The following DIP2C variants were observed in gnomAD, a reference collection of about 807,000 sequenced individuals.
DIP2C encodes the protein disco-interacting protein 2 homolog C.
DIP2C carries 33 observed loss-of-function variants against 192.4 expected under a neutral mutation model. That is an observed-to-expected ratio of 0.17 (90% confidence interval 0.13 to 0.23). The LOEUF (loss-of-function observed/expected upper bound fraction) is 0.23, where lower values mean the gene tolerates loss of function less well. Among genes scored for constraint, DIP2C ranks in the 10% least tolerant of loss-of-function variants. The probability of loss-of-function intolerance (pLI) is 1.00; values close to 1 mark genes in which losing one functional copy is unlikely to be tolerated. For synonymous variants in DIP2C, 979 were observed against 864.1 expected, an observed-to-expected ratio of 1.13 and a Z score of -2.33; for missense variants, 1,537 against 2,110.1, an observed-to-expected ratio of 0.73 and a Z score of 5.32.
chr10:614,070 A>AAC (rs1853278650), intron 1 of DIP2C, among the ~76,000 whole-genome samples: 1 of 152,174 alleles, frequency 6.6e-6, no homozygotes, highest in African/African-American at 2.4e-5. Flanking sequence ...ACGCTCCCAG[A>AAC]ACCTTCCACC....
intron 2 of DIP2C, among the ~76,000 whole-genome samples, chr10:474,475 T>C (rs575408374): frequency 1.1e-4 from 16 of 152,330 alleles, no homozygotes; most frequent in Non-Finnish European, 1.9e-4. Context: ...TGAGAATCTG[T>C]TCAATTTTCC....
intron 17 of DIP2C, among the ~76,000 whole-genome samples, chr10:371,976 G>C (rs1961014436): frequency 6.6e-6 from 1 of 152,056 alleles, no homozygotes; most frequent in East Asian, 1.9e-4. Flanking sequence ...AGCCAAGATT[G>C]AGAACACTGA....
chr10:565,371 A>AAAAAAAAG (rs1849408456), intron 1 of DIP2C, among the ~76,000 whole-genome samples: 1 of 150,656 alleles, frequency 6.6e-6, no homozygotes, highest in African/African-American at 2.5e-5. Context: ...AAAAAAAAAA[A>AAAAAAAAG]GACCTAGACA....
intron 29 of DIP2C, among the ~76,000 whole-genome samples, chr10:335,738 C>T (rs1305978517): frequency 6.6e-6 from 1 of 152,202 alleles, no homozygotes; most frequent in Non-Finnish European, 1.5e-5. Flanking sequence ...TTTGCCTGGA[C>T]CAGCTGGTTC....
rs1854866262 is a variant in DIP2C at position 636,773 on chromosome 10, C to T, written c.85+52721G>A. ...CAGAACGTCCCCCAGATGCATCTGTCTCTCAGGGCATCATTAAATTCCCTC... is the reference window on the plus strand; with the variant it reads ...CAGAACGTCCCCCAGATGCATCTGTTTCTCAGGGCATCATTAAATTCCCTC... On this transcript the variant is annotated intron_variant, in intron 1 of 36. Coordinates refer to ENST00000280886, the MANE Select transcript of DIP2C (RefSeq NM_014974.3). The surrounding 1 kb of genome is among the most constrained non-coding windows in gnomAD (Gnocchi z 4.6). Among the ~76,000 whole-genome samples the T allele has an allele frequency of 2.0e-5, 3 of 152,222 alleles. 1 individual carries two copies. The South Asian group carries it at 6.2e-4, about 32-fold the overall frequency.
chr10:611,199 TCA>T (rs1424498494), intron 1 of DIP2C, among the ~76,000 whole-genome samples: 3 of 65,080 alleles, frequency 4.6e-5, no homozygotes, highest in African/African-American at 8.1e-5. Context: ...ACCTTCCCCT[TCA>T]CTCTCTCTTT....
intron 3 of DIP2C, among the ~76,000 whole-genome samples, chr10:467,715 A>C (rs1026149385): frequency 2.0e-5 from 3 of 151,954 alleles, no homozygotes; most frequent in Non-Finnish European, 2.9e-5. Flanking sequence ...AGAAAACTAA[A>C]CACCACTTGT....
intron 9 of DIP2C, among the ~76,000 whole-genome samples, chr10:406,131 A>G (rs1964790769): frequency 6.6e-6 from 1 of 152,252 alleles, no homozygotes; most frequent in African/African-American, 2.4e-5. Flanking sequence ...AACTTCAAGT[A>G]TCTGGAGGCC....
intron 10 of DIP2C, among the ~76,000 whole-genome samples, chr10:397,460 G>A (rs1188303774): frequency 6.6e-6 from 1 of 151,228 alleles, no homozygotes; most frequent in Non-Finnish European, 1.5e-5. Context: ...AACCCGAGGG[G>A]CAGAGGTTGC....
At chr10:318,777 T>C (rs1329698946) in intron 31 of DIP2C, among the ~76,000 whole-genome samples, 2 of 152,092 alleles carry the variant, frequency 1.3e-5, no homozygotes, top group African/African-American at 2.4e-5. Context: ...CAGCACCTTA[T>C]TTATTTCCTT....
chr10:591,082 C>T (rs1851375802), intron 1 of DIP2C, among the ~76,000 whole-genome samples: 1 of 137,014 alleles, frequency 7.3e-6, no homozygotes, highest in Non-Finnish European at 1.5e-5. Flanking sequence ...GAAGCCGCCA[C>T]CTCCATCACA....
Position 399,236 on chromosome 10 carries a change from A to G in DIP2C, c.1150-17T>C, listed in dbSNP as rs760805504. The G allele has an allele frequency of 6.2e-7, 1 of 1,611,150 alleles. No homozygotes were observed. The highest frequency in any genetic ancestry group is 1.1e-5 in the South Asian group (1 of 91,016). On this transcript the variant is annotated splice_polypyrimidine_tract_variant and intron_variant, in intron 9 of 36. Transcript: ENST00000280886. The stretch of plus-strand genomic sequence containing the variant: ...CAGTGCCACCTGTGGGACAGGCCAG[A>G]GCGGGTCAGCATTAACGTGGGGTCC...
chr10:537,353 GA>G (rs144715058), intron 1 of DIP2C, among the ~76,000 whole-genome samples: 1,575 of 152,288 alleles, frequency 0.01, 29 homozygotes, highest in African/African-American at 0.036. Flanking sequence ...CCACTGAAAG[GA>G]TTCTTATTTA....
chr10:443,568 T>G (rs1967917381), intron 3 of DIP2C, among the ~76,000 whole-genome samples: 1 of 152,156 alleles, frequency 6.6e-6, no homozygotes, highest in South Asian at 2.1e-4. Flanking sequence ...TGTACACACA[T>G]GTACACCCAC....
chr10:549,052 C>G (rs1054680617), intron 1 of DIP2C, among the ~76,000 whole-genome samples: 7 of 151,766 alleles, frequency 4.6e-5, no homozygotes, highest in Non-Finnish European at 8.8e-5. Flanking sequence ...TCTAGTTAGT[C>G]AGAATTAAAG....
chr10:604,834 G>A (rs1161994517), intron 1 of DIP2C, among the ~76,000 whole-genome samples: 1 of 152,216 alleles, frequency 6.6e-6, no homozygotes, highest in Non-Finnish European at 1.5e-5. Flanking sequence ...GGAGAAGCCA[G>A]ACCATACTGG....
At chr10:677,881 T>C (rs956256781) in intron 1 of DIP2C, among the ~76,000 whole-genome samples, 8 of 152,140 alleles carry the variant, frequency 5.3e-5, no homozygotes, top group African/African-American at 1.9e-4. Flanking sequence ...AGAGCCAGGC[T>C]CCGAATTCCA....
chr10:333,068 A>G (rs575881073), intron 29 of DIP2C, among the ~76,000 whole-genome samples: 20 of 152,100 alleles, frequency 1.3e-4, no homozygotes, highest in Admixed American at 1.2e-3. Context: ...ACGCCAGGCT[A>G]ATTTTTGTAT....
chr10:511,679 C>T (rs1846022954), intron 1 of DIP2C, among the ~76,000 whole-genome samples: 1 of 152,196 alleles, frequency 6.6e-6, no homozygotes, highest in African/African-American at 2.4e-5. Context: ...GTTCACACCT[C>T]TCCAGGCCCT....
Sources: allele counts gnomAD v4.1 joint callset (sites outside exome capture counted in the v4.1 genomes callset), GRCh38; gene constraint gnomAD v4.1.1; non-coding constraint Gnocchi (gnomAD v3.1); transcripts MANE v1.5; gene names NCBI Gene and HGNC (gene_info 2026-07-23, HGNC 2026-07-21).